LRIF1: variants seen among roughly 807,000 people sequenced by gnomAD.
LRIF1 encodes the protein ligand-dependent nuclear receptor-interacting factor 1.
A neutral mutation model predicts 52.7 loss-of-function variants in LRIF1; 32 were observed. That is an observed-to-expected ratio of 0.61 (90% CI 0.46 to 0.82). LRIF1 has a LOEUF of 0.82. LRIF1 is among the 40% of genes least tolerant of loss of function. The pLI is 0.00. For synonymous variants in LRIF1, 323 were observed against 317.4 expected (o/e 1.02, Z -0.19); for missense variants, 887 against 892.0 (o/e 0.99, Z 0.07).
the LRIF1 span, among the ~76,000 whole-genome samples, chr1:110,931,648 T>A: frequency 6.6e-6 from 1 of 152,202 alleles, no homozygotes; most frequent in Non-Finnish European, 1.5e-5. Context: ...CAGTATCTGT[T>A]GTTTCATGAC....
At chr1:110,911,178 C>T in the LRIF1 span, among the ~76,000 whole-genome samples, 3 of 150,978 alleles carry the variant, frequency 2.0e-5, no homozygotes, top group African/African-American at 7.3e-5. Flanking sequence ...TACCCTCAAC[C>T]CCCCAGGGAA....
downstream of LRIF1, among the ~76,000 whole-genome samples, chr1:110,945,449 G>A (rs1286682380): frequency 5.9e-5 from 8 of 135,498 alleles, no homozygotes; most frequent in Admixed American, 1.5e-4. Flanking sequence ...CCTTTGAGAC[G>A]GAGTCTCATT....
At chr1:110,885,787 C>G in the LRIF1 span, among the ~76,000 whole-genome samples, 1 of 151,682 alleles carries the variant, frequency 6.6e-6, no homozygotes, top group African/African-American at 2.4e-5. Context: ...TTTCTTGAAC[C>G]TGAGAGGCGG....
intron 1 of LRIF1, among the ~76,000 whole-genome samples, chr1:110,962,730 G>A (rs1284624483): frequency 6.6e-6 from 1 of 152,110 alleles, no homozygotes; most frequent in Non-Finnish European, 1.5e-5. Context: ...ACCCCAGGTA[G>A]CTTGATTTTC....
rs548965103 is a variant in LRIF1, at chr1:110,950,235, G to A, written c.1597-112C>T. On this transcript the variant is annotated intron_variant, in intron 2 of 3. Coordinates refer to ENST00000369763, the MANE Select transcript of LRIF1 (RefSeq NM_018372.4). ...CATAAAAGAACATATCATGCTTTATGATTGGTTTGTATTATCCTTGCCTTA... is the reference window on the plus strand; with the variant it reads ...CATAAAAGAACATATCATGCTTTATAATTGGTTTGTATTATCCTTGCCTTA... 22 of 1,318,554 alleles carry A rather than the reference G, an allele frequency of 1.7e-5. No individual in the cohort carries two copies. The African/African-American group carries it at 2.7e-4, about 16-fold the overall frequency. 81.7% of individuals were successfully genotyped at this position (1,318,554 alleles called of 1,614,324 possible).
At chr1:110,957,637 C>T (rs1215749066) in intron 1 of LRIF1, among the ~76,000 whole-genome samples, 2 of 152,028 alleles carry the variant, frequency 1.3e-5, no homozygotes, top group Non-Finnish European at 2.9e-5. Flanking sequence ...CATTTTAATC[C>T]CATCACTTTA....
intron 1 of LRIF1, among the ~76,000 whole-genome samples, chr1:110,958,919 G>C (rs1461839810): frequency 6.6e-6 from 1 of 152,170 alleles, no homozygotes; most frequent in Non-Finnish European, 1.5e-5. Context: ...TTAATCTGCA[G>C]AATGCTAAGA....
Position 110,957,857 on chromosome 1 carries a change from T to C in LRIF1, c.69-5042A>G, listed in dbSNP as rs542279234. On this transcript the variant is annotated intron_variant, in intron 1 of 3. Transcript: ENST00000369763. Reference sequence around the variant, plus strand: ...AAAAGGCAAACATTTAATAAATGCATACTGAATCATCAAGTCTATACGGTT... The same window carrying C: ...AAAAGGCAAACATTTAATAAATGCACACTGAATCATCAAGTCTATACGGTT... Among the ~76,000 whole-genome samples, 6 of 152,358 alleles carry C rather than the reference T, an allele frequency of 3.9e-5. No homozygotes were observed. In the South Asian group the frequency reaches 1.0e-3, roughly 26 times the overall value.
At chr1:110,963,454 C>T (rs1659050601) in intron 1 of LRIF1, 167 bp downstream of exon 1, 1 of 522,930 alleles carries the variant, frequency 1.9e-6, no homozygotes, top group African/African-American at 1.9e-5. Flanking sequence ...GAGGAAAGCG[C>T]TCTATGGGCT....
chr1:110,896,068 T>A, the LRIF1 span, among the ~76,000 whole-genome samples: 1 of 152,094 alleles, frequency 6.6e-6, no homozygotes, highest in African/African-American at 2.4e-5. Context: ...GGTCTCTCTA[T>A]TTATCTTTTA....
At position 110,950,172 on chromosome 1, in the gene LRIF1, G is replaced by A; in HGVS notation, c.1597-49C>T. ...ACAAACAATACTGCTAATTATTCAA[G>A]TTACTTTATTAAGCAACTAAGTGAT... On this transcript the variant is annotated intron_variant, in intron 2 of 3. Coordinates refer to ENST00000369763, the MANE Select transcript of LRIF1 (RefSeq NM_018372.4). The A allele has an allele frequency of 2.0e-6, 3 of 1,537,002 alleles. No homozygotes were observed. The South Asian group carries it at 3.8e-5, about 19-fold the overall frequency.
the LRIF1 span, among the ~76,000 whole-genome samples, chr1:110,891,750 G>C: frequency 3.9e-3 from 595 of 152,296 alleles, 15 homozygotes; most frequent in Admixed American, 0.035. Context: ...ATATAGGTGA[G>C]AAACCTGAGA....
At chr1:110,915,358 G>T in the LRIF1 span, among the ~76,000 whole-genome samples, 1 of 151,998 alleles carries the variant, frequency 6.6e-6, no homozygotes, top group Non-Finnish European at 1.5e-5. Context: ...CGCGGTGGCA[G>T]GCGCCTGTAG....
chr1:110,910,738 G>A, the LRIF1 span, among the ~76,000 whole-genome samples: 2 of 152,190 alleles, frequency 1.3e-5, no homozygotes, highest in Non-Finnish European at 2.9e-5. Flanking sequence ...TAAACAACCT[G>A]CTCCTGATGA....
At chr1:110,945,803 G>A (rs778951094), downstream of LRIF1, among the ~76,000 whole-genome samples, 10 of 152,188 alleles carry the variant, frequency 6.6e-5, no homozygotes, top group Admixed American at 2.0e-4. Flanking sequence ...GATGATTCAT[G>A]AAATTACATT....
chr1:110,963,181 A>G (rs1300736312), intron 1 of LRIF1: 2 of 152,926 alleles, frequency 1.3e-5, no homozygotes, highest in Non-Finnish European at 2.9e-5. Context: ...TTTTTCTTCA[A>G]TCACACACCC....
rs1172401322 is a variant in LRIF1 at position 110,952,100 on chromosome 1, T to C, written c.784A>G (p.Ile262Val). The C allele has an allele frequency of 1.2e-6, 2 of 1,614,098 alleles. No homozygotes were observed. The highest frequency in any genetic ancestry group is 1.7e-6 in the Non-Finnish European group (2 of 1,180,020). Residue 262 changes from isoleucine (I) to valine (V), a missense_variant, in exon 2 of 4, where the codon ATA becomes GTA. By Grantham distance (29) the Ile-to-Val change is conservative. Transcript: ENST00000369763. Reference sequence around the variant, plus strand: ...TTTGGAATTTGTGTGGTATTTAGTATTACTGGCTTTGCTATTTCTGTAACA... The same window carrying C: ...TTTGGAATTTGTGTGGTATTTAGTACTACTGGCTTTGCTATTTCTGTAACA... Reference protein sequence around the residue: ...KPVTEIAKPVILNTTQIPKNV... With the variant: ...KPVTEIAKPVVLNTTQIPKNV...
downstream of LRIF1, among the ~76,000 whole-genome samples, chr1:110,945,961 C>G (rs1278903078): frequency 6.6e-6 from 1 of 152,098 alleles, no homozygotes; most frequent in African/African-American, 2.4e-5. Context: ...TAGTTAAACA[C>G]AGTTATTGTA....
At chr1:110,925,339 C>T in the LRIF1 span, among the ~76,000 whole-genome samples, 3 of 152,174 alleles carry the variant, frequency 2.0e-5, no homozygotes, top group Admixed American at 6.5e-5. Context: ...GGTCAGTCTC[C>T]AACCTGTCAG....
Sources: allele counts gnomAD v4.1 joint callset (sites outside exome capture counted in the v4.1 genomes callset), GRCh38; gene constraint gnomAD v4.1.1; transcripts MANE v1.5; gene names NCBI Gene and HGNC (gene_info 2026-07-23, HGNC 2026-07-21).